The following SMPDL3B variants were observed in gnomAD, a reference collection of about 807,000 sequenced individuals.
SMPDL3B encodes the protein sphingomyelin phosphodiesterase acid like 3B, also known as acid sphingomyelinase-like phosphodiesterase 3b.
Under a neutral mutation model 37.9 loss-of-function variants are expected in SMPDL3B, and 31 were observed. The observed-to-expected ratio is 0.82, with a 90% CI of 0.61 to 1.10. The LOEUF (loss-of-function observed/expected upper bound fraction) is 1.10, where lower values mean the gene tolerates loss of function less well. Among genes scored for constraint, SMPDL3B ranks in the 50% least tolerant of loss-of-function variants. SMPDL3B has a pLI of 0.00. For synonymous variants in SMPDL3B, 235 were observed against 242.6 expected (o/e 0.97, Z 0.29); for missense variants, 525 against 597.8 (o/e 0.88, Z 1.27).
chr1:27,940,490 G>A, intron 1 of SMPDL3B, among the ~76,000 whole-genome samples: 1 of 152,146 alleles, frequency 6.6e-6, no homozygotes, highest in East Asian at 1.9e-4. Context: ...GGGCCCCAAG[G>A]GGTAGGGGGC....
Position 27,958,365 on chromosome 1 carries a change from C to G in SMPDL3B, c.1006-111C>G. On this transcript the variant is annotated intron_variant, in intron 7 of 7. Transcript: ENST00000373894. This position sits in a 1 kb window ranked among gnomAD's most constrained non-coding sequence, Gnocchi z 5.6. ...TGCACAGCTAAGTGCTCAATAACTA[C>G]TAGTGGTCATGGTCACTGCTCTAAA... 4 of 1,395,380 alleles carry G rather than the reference C, an allele frequency of 2.9e-6. No homozygotes were observed. The highest frequency in any genetic ancestry group is 3.9e-6 in the Non-Finnish European group (4 of 1,030,826). 86.4% of individuals were successfully genotyped at this position (1,395,380 alleles called of 1,614,324 possible).
At chr1:27,942,425 A>T (rs1469948201) in intron 1 of SMPDL3B, 4 of 455,588 alleles carry the variant, frequency 8.8e-6, no homozygotes, top group Admixed American at 2.5e-5. Context: ...CTGCCCACCA[A>T]CTAACTGGTA....
intron 1 of SMPDL3B, chr1:27,938,893 G>A (rs551320645): frequency 3.9e-4 from 60 of 152,324 alleles, no homozygotes; most frequent in African/African-American, 1.4e-3. Context: ...TGGGTGTGTT[G>A]AATGCATTTT....
chr1:27,938,922 A>G (rs2090330745), intron 1 of SMPDL3B: 1 of 152,174 alleles, frequency 6.6e-6, no homozygotes, highest in Non-Finnish European at 1.5e-5. Flanking sequence ...GATATTTTCA[A>G]TTTTGGGGGA....
At chr1:27,944,458 G>A (rs776758216) in intron 1 of SMPDL3B, among the ~76,000 whole-genome samples, 56 of 152,028 alleles carry the variant, frequency 3.7e-4, no homozygotes, top group East Asian at 5.8e-4. Flanking sequence ...GGGCTCAGGC[G>A]ATCCTCTCAC....
At chr1:27,956,443 G>T in intron 7 of SMPDL3B, 1 of 1,271,740 alleles carries the variant, frequency 7.9e-7, no homozygotes, top group Middle Eastern at 3.0e-4. Flanking sequence ...TGGCTCCCCA[G>T]TGCCTTCAAG....
Position 27,949,085 on chromosome 1 carries a change from C to T in SMPDL3B, c.296C>T (p.Pro99Leu). The T allele has an allele frequency of 6.2e-7, 1 of 1,614,236 alleles. No homozygotes were observed. Among genetic ancestry groups the T allele is most frequent in the Non-Finnish European group, 8.5e-7 (1 of 1,180,042 alleles). ...TGTAGTGATGACACGCCTCATGTGC[C>T]CGATGAGAAACTGGGAGAGGCAGCT... ...LWTGDDTPHV[P>L]DEKLGEAAVL... The change falls in exon 3 of 8, where the codon CCC becomes CTC. Residue 99 changes from proline to leucine, a missense_variant. Coordinates refer to ENST00000373894, the MANE Select transcript of SMPDL3B (RefSeq NM_014474.4).
chr1:27,940,855 G>A (rs866537291), intron 1 of SMPDL3B, among the ~76,000 whole-genome samples: 2 of 152,014 alleles, frequency 1.3e-5, no homozygotes, highest in African/African-American at 2.4e-5. Context: ...GTACCCAGGC[G>A]CCCACACCTC....
At chr1:27,948,873 C>T in intron 2 of SMPDL3B, 192 bp from the exon 3 acceptor site, 1 of 1,011,974 alleles carries the variant, frequency 9.9e-7, no homozygotes, top group Non-Finnish European at 1.5e-6. Flanking sequence ...AAGGGACCCA[C>T]AGCAGGAAAA....
intron 3 of SMPDL3B, among the ~76,000 whole-genome samples, chr1:27,950,680 A>C (rs543045039): frequency 1.3e-5 from 2 of 152,284 alleles, no homozygotes; most frequent in Non-Finnish European, 2.9e-5. Context: ...CCCAAGCTAA[A>C]GTGCAGTGGT....
At chr1:27,949,247 G>A (rs1352037070) in intron 3 of SMPDL3B, 85 bp downstream of exon 3, 1 of 1,404,104 alleles carries the variant, frequency 7.1e-7, no homozygotes, top group Admixed American at 1.8e-5. Flanking sequence ...AGCAGCGAGT[G>A]TCCTGGCTGA....
At chr1:27,955,097 G>A (rs1379101639) in intron 5 of SMPDL3B, among the ~76,000 whole-genome samples, 1 of 152,170 alleles carries the variant, frequency 6.6e-6, no homozygotes, top group African/African-American at 2.4e-5. Flanking sequence ...GCTCAGTAGC[G>A]AGTCCATCAT....
chr1:27,940,551 G>A (rs574401363), intron 1 of SMPDL3B, among the ~76,000 whole-genome samples: 19 of 152,224 alleles, frequency 1.2e-4, no homozygotes, highest in African/African-American at 4.1e-4. Flanking sequence ...GGAAGGTTCC[G>A]CTGTTCACAC....
rs750083416 is a variant in SMPDL3B at position 27,958,531 on chromosome 1, G to T, written c.1061G>T (p.Arg354Leu). ...LSQANAQGTP[R>L]WELEYQLTEA... ...CAGGCGAATGCTCAGGGGACGCCGC[G>T]CTGGGAGCTCGAGTACCAGCTGACC... The change falls in exon 8 of 8, where the codon CGC becomes CTC. Residue 354 changes from arginine to leucine, a missense_variant. By Grantham distance (102) the Arg-to-Leu change is moderately radical. Coordinates refer to ENST00000373894, the MANE Select transcript of SMPDL3B (RefSeq NM_014474.4). The surrounding 1 kb of genome is among the most constrained non-coding windows in gnomAD (Gnocchi z 5.6). 1 of 1,613,784 alleles carries T rather than the reference G, an allele frequency of 6.2e-7. No homozygotes were observed. The highest frequency in any genetic ancestry group is 8.5e-7 in the Non-Finnish European group (1 of 1,179,812).
intron 3 of SMPDL3B, among the ~76,000 whole-genome samples, chr1:27,951,511 C>T (rs2090455284): frequency 6.6e-6 from 1 of 152,170 alleles, no homozygotes; most frequent in African/African-American, 2.4e-5. Flanking sequence ...CTCATCAGCA[C>T]AGCCAAGTGG....
At chr1:27,942,008 C>A (rs1228211447) in intron 1 of SMPDL3B, among the ~76,000 whole-genome samples, 2 of 152,114 alleles carry the variant, frequency 1.3e-5, no homozygotes, top group Admixed American at 6.6e-5. Flanking sequence ...TGCACACACA[C>A]AGACACACAC....
rs182785526 is a variant in SMPDL3B, at chr1:27,937,787, C to T, written c.61+2543C>T. Among the ~76,000 whole-genome samples, 27 of 152,284 alleles carry T rather than the reference C, an allele frequency of 1.8e-4. No individual in the cohort carries two copies. In the East Asian group the frequency reaches 5.2e-3, roughly 29 times the overall value. On this transcript the variant is annotated intron_variant, in intron 1 of 7. Transcript: ENST00000373894. ...GTATAAGAGAACTCTTTTACCTGCA[C>T]AACTGAGGCAGGAGGTGGGACTGGA...
chr1:27,948,281 T>A (rs1367359292), intron 2 of SMPDL3B, among the ~76,000 whole-genome samples: 1 of 152,226 alleles, frequency 6.6e-6, no homozygotes. Context: ...TTAGTGGCTG[T>A]GGCAACAACA....
chr1:27,937,090 T>A (rs1422332387), intron 1 of SMPDL3B, among the ~76,000 whole-genome samples: 1 of 152,206 alleles, frequency 6.6e-6, no homozygotes, highest in African/African-American at 2.4e-5. Context: ...TTTTTCCAAC[T>A]CCAGGTGTCT....
Sources: allele counts gnomAD v4.1 joint callset (sites outside exome capture counted in the v4.1 genomes callset), GRCh38; gene constraint gnomAD v4.1.1; non-coding constraint Gnocchi (gnomAD v3.1); transcripts MANE v1.5; gene names NCBI Gene and HGNC (gene_info 2026-07-23, HGNC 2026-07-21).